The following ZFHX3 variants were observed in gnomAD, a reference collection of about 807,000 sequenced individuals.
ZFHX3 encodes zinc finger homeobox 3, also known as zinc finger homeobox protein 3.
Under a neutral mutation model 279.1 loss-of-function variants are expected in ZFHX3, and 42 were observed. The ratio of observed to expected loss-of-function variants is 0.15; its 90% CI spans 0.12 to 0.19. The LOEUF (loss-of-function observed/expected upper bound fraction) is 0.19. ZFHX3 is among the 10% of genes least tolerant of loss of function. ZFHX3 has a pLI of 1.00. For synonymous variants in ZFHX3, 2,293 were observed against 1,957.8 expected (o/e 1.17, Z -4.52); for missense variants, 4,981 against 4,754.0 (o/e 1.05, Z -1.40).
chr16:73,512,242 A>C (rs2019441824), intron 2 of ZFHX3, among the ~76,000 whole-genome samples: 1 of 141,642 alleles, frequency 7.1e-6, no homozygotes, highest in Non-Finnish European at 1.5e-5. Context: ...ATCCTGGCCC[A>C]CATGGTGAAA....
At chr16:73,474,187 A>G (rs2018724397) in intron 2 of ZFHX3, among the ~76,000 whole-genome samples, 1 of 151,942 alleles carries the variant, frequency 6.6e-6, no homozygotes, top group African/African-American at 2.4e-5. Flanking sequence ...TCACTCTGTC[A>G]CCCAGGCTGG....
chr16:73,616,410 T>C (rs1296545684), intron 2 of ZFHX3, among the ~76,000 whole-genome samples: 1 of 134,336 alleles, frequency 7.4e-6, no homozygotes, highest in Non-Finnish European at 1.6e-5. Context: ...CTAATAGCAG[T>C]AATTGGCAAC....
chr16:73,822,775 C>T (rs891539589), intron 1 of ZFHX3, among the ~76,000 whole-genome samples: 24 of 152,178 alleles, frequency 1.6e-4, no homozygotes, highest in African/African-American at 4.3e-4. Context: ...CAGAAGAAGC[C>T]CCAGCTGGAA....
intron 1 of ZFHX3, among the ~76,000 whole-genome samples, chr16:72,999,862 C>T (rs558422875): frequency 2.0e-5 from 3 of 152,346 alleles, no homozygotes; most frequent in Non-Finnish European, 4.4e-5. Context: ...GTGGAGGACA[C>T]TGGCAAGCTG....
chr16:72,970,552 C>T (rs1962059978), intron 1 of ZFHX3, among the ~76,000 whole-genome samples: 1 of 152,160 alleles, frequency 6.6e-6, no homozygotes, highest in African/African-American at 2.4e-5. Flanking sequence ...GCAGAACCTC[C>T]TTTCACCAAA....
intron 2 of ZFHX3, among the ~76,000 whole-genome samples, chr16:73,535,165 T>A (rs557994279): frequency 7.0e-4 from 107 of 152,306 alleles, no homozygotes; most frequent in African/African-American, 2.3e-3. Flanking sequence ...AGTTGTACAA[T>A]AAGTAGCACC....
chr16:73,076,003 C>T (rs895469475), intron 8 of ZFHX3, among the ~76,000 whole-genome samples: 1 of 152,174 alleles, frequency 6.6e-6, no homozygotes, highest in Admixed American at 6.5e-5. Flanking sequence ...CCAGTGTTAG[C>T]TCTGCCACTA....
chr16:73,167,948 T>C (rs1277734795), intron 5 of ZFHX3, among the ~76,000 whole-genome samples: 3 of 152,274 alleles, frequency 2.0e-5, no homozygotes, highest in Non-Finnish European at 2.9e-5. Context: ...TCATCTTTGC[T>C]GAAATAAATT....
intron 5 of ZFHX3, among the ~76,000 whole-genome samples, chr16:73,145,869 C>T (rs991527936): frequency 6.6e-5 from 10 of 152,114 alleles, no homozygotes; most frequent in Non-Finnish European, 1.0e-4. Context: ...GACAGTTCAG[C>T]GAACATAAAA....
intron 1 of ZFHX3, chr16:73,014,326 GA>G (rs1448238233): frequency 1.4e-5 from 2 of 147,158 alleles, no homozygotes; most frequent in Non-Finnish European, 3.0e-5. Context: ...TTGGAAAAAT[GA>G]AAGCTGATTT....
chr16:73,247,289 G>T (rs943473200), intron 5 of ZFHX3, among the ~76,000 whole-genome samples: 1 of 152,020 alleles, frequency 6.6e-6, no homozygotes, highest in African/African-American at 2.4e-5. Flanking sequence ...AAATGTGTCT[G>T]TGTGTCTATG....
chr16:72,788,876 G>C, intron 9 of ZFHX3, 28 bp from the exon 10 acceptor site: 2 of 1,514,500 alleles, frequency 1.3e-6, no homozygotes, highest in Non-Finnish European at 1.8e-6. Flanking sequence ...AGAAATCACC[G>C]GTCAGTCTGG....
chr16:73,472,367 G>T (rs1025028862), intron 2 of ZFHX3, among the ~76,000 whole-genome samples: 6 of 151,998 alleles, frequency 3.9e-5, no homozygotes, highest in East Asian at 3.9e-4. Context: ...CACTTAGCTG[G>T]CTTGGTAAAA....
At chr16:73,557,680 G>A (rs1273802169) in intron 2 of ZFHX3, among the ~76,000 whole-genome samples, 1 of 151,966 alleles carries the variant, frequency 6.6e-6, no homozygotes. Flanking sequence ...TGTTTTAGTG[G>A]GTTTTGGCCG....
chr16:73,890,293 C>T (rs1475163492), intron 1 of ZFHX3, among the ~76,000 whole-genome samples: 3 of 149,106 alleles, frequency 2.0e-5, no homozygotes, highest in Non-Finnish European at 3.0e-5. Flanking sequence ...CCTTTTACAA[C>T]GACTCTGTGC....
In ZFHX3 at chr16:72,798,385, G is replaced by A; in HGVS notation, c.4297C>T (p.Leu1433Phe). 1 of 1,614,232 alleles carries A rather than the reference G, an allele frequency of 6.2e-7. No individual in the cohort carries two copies. The highest frequency in any genetic ancestry group is 1.1e-5 in the South Asian group (1 of 91,082). ...HVIRAATMCC[L>F]CQRSFRTFQA... ...AAAGTTCGGAAACTGCGCTGACAAA[G>A]ACAGCACATGGTGGCAGCTCTGATC... Residue 1433 changes from leucine (L) to phenylalanine (F), a missense_variant, in exon 9 of 10, where the codon CTT (leucine) becomes TTT (phenylalanine). Coordinates refer to ENST00000268489, the MANE Select transcript of ZFHX3 (RefSeq NM_006885.4).
intron 4 of ZFHX3, among the ~76,000 whole-genome samples, chr16:73,265,078 C>CATGT (rs143539675): frequency 0.013 from 1,849 of 145,920 alleles, 47 homozygotes; most frequent in African/African-American, 0.045. Flanking sequence ...CGCATATATG[C>CATGT]GTGTGTGTGT....
rs188090736 is a variant in ZFHX3 at position 73,033,255 on chromosome 16, C to T, written c.-50+14497G>A. Among the ~76,000 whole-genome samples the T allele has an allele frequency of 7.1e-3, 1,077 of 152,298 alleles. 6 individuals are homozygous for T. Among genetic ancestry groups the T allele is most frequent in the Non-Finnish European group, 9.1e-3 (620 of 68,020 alleles). On this transcript the variant is annotated intron_variant, in intron 1 of 9. Transcript: ENST00000268489. The stretch of plus-strand genomic sequence containing the variant: ...CCTGGAGAGGAGGACAGAAGAGGAA[C>T]GGCCTTGCAAAGCACCTGGAGAAAA...
intron 2 of ZFHX3, among the ~76,000 whole-genome samples, chr16:73,668,766 A>G (rs1371795136): frequency 6.6e-6 from 1 of 152,190 alleles, no homozygotes; most frequent in East Asian, 1.9e-4. Context: ...ATGAACAGAC[A>G]CTTCTCAAAA....
Sources: allele counts gnomAD v4.1 joint callset (sites outside exome capture counted in the v4.1 genomes callset), GRCh38; gene constraint gnomAD v4.1.1; transcripts MANE v1.5; gene names NCBI Gene and HGNC (gene_info 2026-07-23, HGNC 2026-07-21).